CYP7B1: variants seen among roughly 807,000 people sequenced by gnomAD.
CYP7B1 encodes the protein cytochrome P450 7B1.
CYP7B1 carries 29 observed loss-of-function variants against 42.7 expected under a neutral mutation model. The observed-to-expected ratio is 0.68, with a 90% CI of 0.51 to 0.93. The LOEUF is 0.93. CYP7B1 is among the 40% of genes least tolerant of loss of function. The pLI is 0.00. For missense variants in CYP7B1, 655 were observed against 600.5 expected, an observed-to-expected ratio of 1.09 and a Z score of -0.95; for synonymous variants, 235 against 218.2, an observed-to-expected ratio of 1.08 and a Z score of -0.68.
chr8:64,770,908 T>C (rs1015900961), intron 1 of CYP7B1, among the ~76,000 whole-genome samples: 21 of 152,178 alleles, frequency 1.4e-4, no homozygotes, highest in Admixed American at 9.8e-4. Context: ...ATTTGCAGCA[T>C]CTAAAAATTT....
intron 1 of CYP7B1, among the ~76,000 whole-genome samples, chr8:64,640,927 T>C (rs1215160204): frequency 6.6e-6 from 1 of 152,158 alleles, no homozygotes; most frequent in African/African-American, 2.4e-5. Flanking sequence ...TTATCTCCCA[T>C]AGGGCAACTT....
chr8:64,685,860 ATCCGGG>A (rs1806625118), intron 1 of CYP7B1, among the ~76,000 whole-genome samples: 1 of 31,538 alleles, frequency 3.2e-5, no homozygotes, highest in African/African-American at 1.4e-4. Context: ...CAGCCGTGCC[ATCCGGG>A]AGGGAGGTGG....
chr8:64,651,523 T>A (rs1806038542), intron 1 of CYP7B1, among the ~76,000 whole-genome samples: 1 of 152,238 alleles, frequency 6.6e-6, no homozygotes, highest in Admixed American at 6.5e-5. Context: ...TTTCTGTATC[T>A]TGGCTCCTGC....
Position 64,654,859 on chromosome 8 carries a change from A to G in CYP7B1, c.123-30320T>C, listed in dbSNP as rs561857409. 3.9e-5 allele frequency among the ~76,000 whole-genome samples: 6 copies of G among 152,312 alleles called. No individual in the cohort carries two copies. In the South Asian group the frequency reaches 1.2e-3, roughly 32 times the overall value. ...ATGGGACAGAATAGAGAGTCTAGAA[A>G]TAAGGCCGCACACCTAAAGTCATCT... On this transcript the variant is annotated intron_variant, in intron 1 of 5. Coordinates refer to ENST00000310193, the MANE Select transcript of CYP7B1 (RefSeq NM_004820.5).
intron 1 of CYP7B1, among the ~76,000 whole-genome samples, chr8:64,747,252 A>T (rs1348715202): frequency 6.8e-6 from 1 of 148,142 alleles, no homozygotes; most frequent in Non-Finnish European, 1.5e-5. Flanking sequence ...ATAGTATTAA[A>T]CGTAGTATAA....
intron 1 of CYP7B1, among the ~76,000 whole-genome samples, chr8:64,650,556 G>A (rs1034599233): frequency 6.6e-6 from 1 of 152,138 alleles, no homozygotes; most frequent in African/African-American, 2.4e-5. Context: ...GCTGAGGCAG[G>A]AGAATCACTT....
chr8:64,773,518 T>G (rs13248755), intron 1 of CYP7B1, among the ~76,000 whole-genome samples: 16,109 of 152,236 alleles, frequency 0.11, 1,140 homozygotes, highest in Non-Finnish European at 0.16. Context: ...TACAACAGGG[T>G]ATCCCATAGA....
chr8:64,730,417 A>T (rs1807391352), intron 1 of CYP7B1, among the ~76,000 whole-genome samples: 1 of 152,040 alleles, frequency 6.6e-6, no homozygotes, highest in Non-Finnish European at 1.5e-5. Flanking sequence ...TTTGTAAAAT[A>T]TCCCATAGGT....
chr8:64,750,589 GC>G (rs1416712679), intron 1 of CYP7B1, among the ~76,000 whole-genome samples: 2 of 152,152 alleles, frequency 1.3e-5, no homozygotes, highest in African/African-American at 2.4e-5. Context: ...TAGATATTGT[GC>G]TTTGAACATC....
intron 1 of CYP7B1, among the ~76,000 whole-genome samples, chr8:64,790,133 A>G (rs981664976): frequency 5.3e-5 from 8 of 152,184 alleles, no homozygotes; most frequent in Admixed American, 3.3e-4. Flanking sequence ...GAAAAGTGTA[A>G]GGTCCTATTT....
intron 1 of CYP7B1, among the ~76,000 whole-genome samples, chr8:64,718,438 C>T (rs548927810): frequency 6.6e-6 from 1 of 152,314 alleles, no homozygotes; most frequent in South Asian, 2.1e-4. Flanking sequence ...TCTTCCTAGG[C>T]TTACACCTCT....
At chr8:64,642,128 C>A (rs891417549) in intron 1 of CYP7B1, among the ~76,000 whole-genome samples, 1 of 152,008 alleles carries the variant, frequency 6.6e-6, no homozygotes, top group African/African-American at 2.4e-5. Context: ...TTTGCCAATA[C>A]TTTTGATCTA....
At chr8:64,587,322 G>A (rs1036083974), downstream of CYP7B1, among the ~76,000 whole-genome samples, 2 of 152,164 alleles carry the variant, frequency 1.3e-5, no homozygotes, top group Non-Finnish European at 2.9e-5. Context: ...GACTTCCCCT[G>A]GGACCGACGT....
intron 2 of CYP7B1, among the ~76,000 whole-genome samples, chr8:64,616,510 C>A (rs1351041986): frequency 1.3e-5 from 2 of 152,108 alleles, no homozygotes. Context: ...TCTTACTAAC[C>A]TTTGCAAAGA....
intron 1 of CYP7B1, among the ~76,000 whole-genome samples, chr8:64,741,055 T>C (rs1412111403): frequency 1.3e-5 from 2 of 151,780 alleles, no homozygotes; most frequent in Admixed American, 1.3e-4. Flanking sequence ...ACCAATGTGG[T>C]TTTATTGAGG....
At chr8:64,602,137 C>T (rs1044372227) in intron 5 of CYP7B1, among the ~76,000 whole-genome samples, 1 of 152,180 alleles carries the variant, frequency 6.6e-6, no homozygotes, top group Non-Finnish European at 1.5e-5. Flanking sequence ...ATAGTCCTTC[C>T]TCTTCTGGAG....
intron 1 of CYP7B1, among the ~76,000 whole-genome samples, chr8:64,790,332 G>A (rs1585916593): frequency 1.3e-5 from 2 of 152,124 alleles, no homozygotes; most frequent in Non-Finnish European, 2.9e-5. Context: ...CCACCTAAAG[G>A]CAAGCTTGAA....
At chr8:64,734,534 C>T (rs1807458569) in intron 1 of CYP7B1, 1 of 152,176 alleles carries the variant, frequency 6.6e-6, no homozygotes, top group South Asian at 2.1e-4. Context: ...ATGGCATAAT[C>T]CTCATGACTT....
rs997535389 is a variant in CYP7B1, at chr8:64,592,320, T to C, written c.*4322A>G. On this transcript the variant is annotated 3_prime_UTR_variant, in exon 6 of 6. Coordinates refer to ENST00000310193, the MANE Select transcript of CYP7B1 (RefSeq NM_004820.5). The stretch of plus-strand genomic sequence containing the variant: ...TATATATTTTTATTGTGTATAATTA[T>C]ACATAGTGATTTCTCATTACAGACC... Among the ~76,000 whole-genome samples, 6 of 152,262 alleles carry C rather than the reference T, an allele frequency of 3.9e-5. No individual in the cohort carries two copies. Among genetic ancestry groups the C allele is most frequent in the Non-Finnish European group, 5.9e-5 (4 of 68,050 alleles).
Sources: gnomAD v4.1 joint callset for allele counts (sites outside exome capture counted in the v4.1 genomes callset) on GRCh38, gnomAD v4.1.1 for gene constraint, MANE v1.5 for transcripts, NCBI Gene and HGNC (gene_info 2026-07-23, HGNC 2026-07-21) for gene names.